DPP6: variants seen among roughly 807,000 people sequenced by gnomAD.
DPP6 encodes the protein dipeptidyl peptidase like 6, also known as A-type potassium channel modulatory protein DPP6.
A neutral mutation model predicts 122.6 loss-of-function variants in DPP6; 69 were observed. The ratio of observed to expected loss-of-function variants is 0.56; its 90% CI spans 0.46 to 0.69. DPP6 has a LOEUF of 0.69. Ranked by LOEUF, DPP6 falls within the 30% of genes least tolerant of loss-of-function variation. The probability of loss-of-function intolerance (pLI) is 0.00; values close to 1 mark genes in which losing one functional copy is unlikely to be tolerated. For missense variants in DPP6, 928 were observed against 1,116.9 expected (o/e 0.83, Z 2.41); for synonymous variants, 418 against 433.1 (o/e 0.97, Z 0.43).
intron 1 of DPP6, among the ~76,000 whole-genome samples, chr7:154,224,299 G>C (rs1271248214): frequency 6.7e-6 from 1 of 148,930 alleles, no homozygotes; most frequent in East Asian, 2.0e-4. Flanking sequence ...TCCAGCCTGG[G>C]TGACAGAGTG....
At chr7:153,968,300 A>G (rs1795855274) in intron 1 of DPP6, among the ~76,000 whole-genome samples, 1 of 151,844 alleles carries the variant, frequency 6.6e-6, no homozygotes, top group African/African-American at 2.4e-5. Flanking sequence ...CATTTCCCTG[A>G]TGATGAGTGA....
chr7:154,396,403 T>C (rs911637907), intron 1 of DPP6, among the ~76,000 whole-genome samples: 2 of 152,088 alleles, frequency 1.3e-5, no homozygotes, highest in African/African-American at 4.8e-5. Context: ...ACCCTTATTC[T>C]AATACTGTGG....
chr7:154,805,894 C>T (rs1046763045), intron 15 of DPP6, among the ~76,000 whole-genome samples: 10 of 152,242 alleles, frequency 6.6e-5, no homozygotes, highest in African/African-American at 2.4e-4. Flanking sequence ...ACCTGGGCCG[C>T]TGAAGAGGAT....
chr7:154,644,197 A>T (rs1836299003), intron 6 of DPP6, among the ~76,000 whole-genome samples: 1 of 152,218 alleles, frequency 6.6e-6, no homozygotes, highest in South Asian at 2.1e-4. Flanking sequence ...TTTTGTGCTT[A>T]TGTATAGCAT....
In DPP6 at chr7:154,281,413, G is replaced by A. The variant is rs574063343; in HGVS notation, c.244-164801G>A. On this transcript the variant is annotated intron_variant, in intron 1 of 25. Coordinates refer to ENST00000377770, the MANE Select transcript of DPP6 (RefSeq NM_130797.4). ...GGTGGGCTCTCCCTGGGCTGTGACTGTGTCTTCCTTGAATTGTCTTCAGAA... is the reference window on the plus strand; with the variant it reads ...GGTGGGCTCTCCCTGGGCTGTGACTATGTCTTCCTTGAATTGTCTTCAGAA... Among the ~76,000 whole-genome samples the A allele has an allele frequency of 2.0e-5, 3 of 152,280 alleles. No homozygotes were observed. The South Asian group carries it at 6.2e-4, about 32-fold the overall frequency.
At chr7:154,180,447 A>G (rs1295988813) in intron 1 of DPP6, among the ~76,000 whole-genome samples, 3 of 146,104 alleles carry the variant, frequency 2.1e-5, no homozygotes, top group Admixed American at 1.4e-4. Flanking sequence ...ATACACATTT[A>G]TATATTATAT....
intron 12 of DPP6, among the ~76,000 whole-genome samples, chr7:154,797,952 G>C (rs1798140596): frequency 6.6e-6 from 1 of 152,246 alleles, no homozygotes; most frequent in African/African-American, 2.4e-5. Flanking sequence ...GAAGTATTCG[G>C]GTGTTGGTGG....
rs534304790 is a variant in DPP6, at chr7:154,459,606, G to T, written c.358+13278G>T. Among the ~76,000 whole-genome samples the T allele has an allele frequency of 2.0e-5, 3 of 152,078 alleles. No homozygotes were observed. The East Asian group carries it at 5.8e-4, about 30-fold the overall frequency. On this transcript the variant is annotated intron_variant, in intron 2 of 25. Coordinates refer to ENST00000377770, the MANE Select transcript of DPP6 (RefSeq NM_130797.4). ...GCACTTTGGGAGGCCGAGGCAGGCA[G>T]ATCACCTGAGGTCAGGTGTTTGAGA...
At chr7:154,322,670 G>A (rs1808079937) in intron 1 of DPP6, among the ~76,000 whole-genome samples, 1 of 152,054 alleles carries the variant, frequency 6.6e-6, no homozygotes, top group East Asian at 1.9e-4. Context: ...ACATTTCCTC[G>A]ACTCTAGCAA....
chr7:154,719,952 G>A (rs767853586), intron 7 of DPP6, among the ~76,000 whole-genome samples: 16 of 152,174 alleles, frequency 1.1e-4, no homozygotes, highest in East Asian at 7.7e-4. Flanking sequence ...CTCATCCTGC[G>A]CCCACGTCCA....
chr7:154,546,764 A>T (rs905614845), intron 4 of DPP6, among the ~76,000 whole-genome samples: 2 of 152,220 alleles, frequency 1.3e-5, no homozygotes, highest in African/African-American at 2.4e-5. Context: ...GACCCATTCC[A>T]AAATAAGAAG....
chr7:153,938,854 C>G (rs190633652), intron 1 of DPP6, among the ~76,000 whole-genome samples: 1 of 152,174 alleles, frequency 6.6e-6, no homozygotes, highest in African/African-American at 2.4e-5. Context: ...ACGGAATGGC[C>G]GGCTGAGTCT....
intron 1 of DPP6, among the ~76,000 whole-genome samples, chr7:154,397,166 C>T (rs1194045432): frequency 1.3e-5 from 2 of 148,390 alleles, no homozygotes; most frequent in East Asian, 3.9e-4. Context: ...TAAGATAAAT[C>T]TAATAAGATT....
rs11767211 is a variant in DPP6, at chr7:154,415,356, G to A, written c.244-30858G>A. ...CAGAATTAAGAAGGTAAAATATGCC[G>A]CATATAATATATTCAATTCCTTCAA... is the stretch of plus-strand genomic sequence containing the variant. On this transcript the variant is annotated intron_variant, in intron 1 of 25. Transcript: ENST00000377770. 4.8e-3 allele frequency among the ~76,000 whole-genome samples: 729 copies of A among 152,218 alleles called. 2 individuals are homozygous for A. The highest frequency in any genetic ancestry group is 0.01 in the Middle Eastern group (3 of 294).
At chr7:154,034,788 A>G (rs183535306) in intron 1 of DPP6, among the ~76,000 whole-genome samples, 19,413 of 150,334 alleles carry the variant, frequency 0.13, 1,321 homozygotes, top group Middle Eastern at 0.17. Flanking sequence ...TTGTGTTTCC[A>G]TCTTCTTCCC....
At chr7:153,997,983 A>G (rs1020216912) in intron 1 of DPP6, among the ~76,000 whole-genome samples, 6 of 151,730 alleles carry the variant, frequency 4.0e-5, no homozygotes, top group Non-Finnish European at 7.4e-5. Context: ...GACATGTGAA[A>G]GAGAACCTGA....
intron 1 of DPP6, among the ~76,000 whole-genome samples, chr7:154,379,898 C>G (rs1342594378): frequency 6.6e-6 from 1 of 152,156 alleles, no homozygotes. Context: ...CAAAATGCCA[C>G]TTATGTACAA....
chr7:153,807,833 C>T, the DPP6 span, among the ~76,000 whole-genome samples: 2 of 152,014 alleles, frequency 1.3e-5, no homozygotes, highest in Non-Finnish European at 2.9e-5. Context: ...CACGACGAAT[C>T]GATCTTGTGG....
the DPP6 span, among the ~76,000 whole-genome samples, chr7:153,749,722 A>G: frequency 3.3e-5 from 5 of 152,204 alleles, no homozygotes; most frequent in Non-Finnish European, 7.3e-5. The surrounding 1 kb of genome is among the most constrained non-coding windows in gnomAD (Gnocchi z 4.1). Context: ...GCCATGCTCA[A>G]TACGCCTCAC....
Sources: gnomAD v4.1 joint callset for allele counts (sites outside exome capture counted in the v4.1 genomes callset) on GRCh38, gnomAD v4.1.1 for gene constraint, Gnocchi (gnomAD v3.1) non-coding constraint, MANE v1.5 for transcripts, NCBI Gene and HGNC (gene_info 2026-07-23, HGNC 2026-07-21) for gene names.